LDLRAD3: variants seen among roughly 807,000 people sequenced by gnomAD.
LDLRAD3 encodes low density lipoprotein receptor class A domain containing 3.
A neutral mutation model predicts 29.4 loss-of-function variants in LDLRAD3; 20 were observed. The observed-to-expected ratio is 0.68, with a 90% CI of 0.48 to 0.99. The LOEUF is 0.99. Ranked by LOEUF, LDLRAD3 falls within the 50% of genes least tolerant of loss-of-function variation. LDLRAD3 has a pLI of 0.00. For missense variants in LDLRAD3, 420 were observed against 454.3 expected, an observed-to-expected ratio of 0.92 and a Z score of 0.69; for synonymous variants, 157 against 192.7, an observed-to-expected ratio of 0.81 and a Z score of 1.53.
At chr11:36,002,259 T>A (rs1487236784) in intron 1 of LDLRAD3, among the ~76,000 whole-genome samples, 1 of 152,240 alleles carries the variant, frequency 6.6e-6, no homozygotes, top group Non-Finnish European at 1.5e-5. Context: ...CAGTCATTCC[T>A]GTTGATCAGA....
chr11:36,174,367 A>T (rs1854641063), intron 4 of LDLRAD3, among the ~76,000 whole-genome samples: 1 of 152,232 alleles, frequency 6.6e-6, no homozygotes, highest in Admixed American at 6.5e-5. Context: ...GACAAGTGGG[A>T]TCTAATTAAA....
In LDLRAD3 at chr11:36,157,385, G is replaced by T. The variant is rs1452897224; in HGVS notation, c.454+58924G>T. 3.3e-5 allele frequency among the ~76,000 whole-genome samples: 5 copies of T among 152,240 alleles called. 1 individual carries two copies. Among genetic ancestry groups the T allele is most frequent in the Non-Finnish European group, 7.3e-5 (5 of 68,048 alleles). On this transcript the variant is annotated intron_variant, in intron 4 of 5. Transcript: ENST00000315571. ...GTCTTGTCAGAAGAGAAAAACTTGA[G>T]AGGGAGTTAATTGAAGAGTTTCCCA... is the stretch of plus-strand genomic sequence containing the variant.
At chr11:36,122,981 GC>G (rs1341597456) in intron 4 of LDLRAD3, among the ~76,000 whole-genome samples, 2 of 152,158 alleles carry the variant, frequency 1.3e-5, no homozygotes, top group Non-Finnish European at 2.9e-5. Context: ...TTTGAGACCA[GC>G]CTGGGCCACG....
chr11:36,208,900 C>T (rs1381996203), intron 4 of LDLRAD3, among the ~76,000 whole-genome samples: 2 of 152,120 alleles, frequency 1.3e-5, no homozygotes, highest in African/African-American at 4.8e-5. Context: ...CAAAGAATCT[C>T]CCCCAAAATA....
At chr11:36,138,877 G>A (rs1391688215) in intron 4 of LDLRAD3, among the ~76,000 whole-genome samples, 1 of 152,184 alleles carries the variant, frequency 6.6e-6, no homozygotes, top group African/African-American at 2.4e-5. Context: ...CAGTAATAGG[G>A]TAACATGTAA....
chr11:36,009,462 A>G (rs1047816960), intron 1 of LDLRAD3, among the ~76,000 whole-genome samples: 2 of 152,174 alleles, frequency 1.3e-5, no homozygotes, highest in Non-Finnish European at 2.9e-5. Flanking sequence ...ATTATTTTTC[A>G]CTTACATACC....
chr11:36,125,976 G>A (rs528031078), intron 4 of LDLRAD3, among the ~76,000 whole-genome samples: 1 of 152,272 alleles, frequency 6.6e-6, no homozygotes, highest in South Asian at 2.1e-4. Context: ...GACCCCACCA[G>A]GGACAAATGA....
intron 4 of LDLRAD3, among the ~76,000 whole-genome samples, chr11:36,118,393 G>C (rs145878909): frequency 4.6e-5 from 7 of 152,178 alleles, no homozygotes; most frequent in Admixed American, 3.3e-4. Context: ...ATGGTGTAGT[G>C]ATTAGAGGGA....
At chr11:35,985,084 C>G (rs1851592942) in intron 1 of LDLRAD3, among the ~76,000 whole-genome samples, 1 of 152,064 alleles carries the variant, frequency 6.6e-6, no homozygotes, top group South Asian at 2.1e-4. Context: ...TGCCATCATG[C>G]CAGGCTCACT....
chr11:36,045,926 C>T (rs561954734), intron 2 of LDLRAD3, among the ~76,000 whole-genome samples: 5 of 151,990 alleles, frequency 3.3e-5, no homozygotes, highest in African/African-American at 4.8e-5. Flanking sequence ...TTAAGACCCG[C>T]GTGCATTAGG....
intron 1 of LDLRAD3, among the ~76,000 whole-genome samples, chr11:35,978,001 C>T (rs1851496282): frequency 6.6e-6 from 1 of 152,100 alleles, no homozygotes; most frequent in East Asian, 1.9e-4. Context: ...CAAACCTGAG[C>T]CCCTACATCA....
At chr11:36,156,649 G>A (rs1291828224) in intron 4 of LDLRAD3, among the ~76,000 whole-genome samples, 2 of 152,224 alleles carry the variant, frequency 1.3e-5, no homozygotes, top group African/African-American at 4.8e-5. Flanking sequence ...ACACCCTGAT[G>A]TGGCATTATT....
intron 2 of LDLRAD3, among the ~76,000 whole-genome samples, chr11:36,072,639 A>G (rs1852926174): frequency 6.6e-6 from 1 of 152,226 alleles, no homozygotes; most frequent in South Asian, 2.1e-4. Flanking sequence ...ACTCTAGAGC[A>G]GAAGAACTGG....
chr11:36,141,059 T>C (rs1854079861), intron 4 of LDLRAD3, among the ~76,000 whole-genome samples: 1 of 150,222 alleles, frequency 6.7e-6, no homozygotes. Flanking sequence ...TGCGTGTGTG[T>C]CTGTATTTTA....
At chr11:36,025,440 G>C (rs1036730188) in intron 1 of LDLRAD3, among the ~76,000 whole-genome samples, 9 of 149,184 alleles carry the variant, frequency 6.0e-5, no homozygotes, top group Non-Finnish European at 1.3e-4. Flanking sequence ...CCAGTCTGGA[G>C]TGCAGTGGTG....
chr11:36,081,801 C>A (rs1201171656), intron 3 of LDLRAD3, 23 bp downstream of exon 3: 1 of 1,613,096 alleles, frequency 6.2e-7, no homozygotes, highest in African/African-American at 1.3e-5. Context: ...CACTTGAACA[C>A]TGTGATCCCT....
chr11:36,193,136 A>G (rs1192703827), intron 4 of LDLRAD3, among the ~76,000 whole-genome samples: 1 of 152,190 alleles, frequency 6.6e-6, no homozygotes, highest in African/African-American at 2.4e-5. Flanking sequence ...TCCGAGCCCC[A>G]GTTTCCTCAT....
chr11:36,059,006 C>A (rs968927380), intron 2 of LDLRAD3, among the ~76,000 whole-genome samples: 1 of 152,110 alleles, frequency 6.6e-6, no homozygotes, highest in Non-Finnish European at 1.5e-5. Flanking sequence ...CTTCCTTTAC[C>A]TCCCTCTGTG....
intron 4 of LDLRAD3, among the ~76,000 whole-genome samples, chr11:36,115,041 ACCCCT>A (rs779784978): frequency 6.6e-6 from 1 of 152,114 alleles, no homozygotes; most frequent in Non-Finnish European, 1.5e-5. Flanking sequence ...TGTCCAGAAT[ACCCCT>A]CTTGAGAGCT....
Sources: allele counts gnomAD v4.1 joint callset (sites outside exome capture counted in the v4.1 genomes callset), GRCh38; gene constraint gnomAD v4.1.1; transcripts MANE v1.5; gene names NCBI Gene and HGNC (gene_info 2026-07-23, HGNC 2026-07-21).